GPM6A: variants seen among roughly 807,000 people sequenced by gnomAD.
GPM6A encodes the protein glycoprotein M6A.
In GPM6A, 7 loss-of-function variants were observed where a neutral mutation model predicts 32.1. The ratio of observed to expected loss-of-function variants is 0.22; its 90% CI spans 0.12 to 0.41. The LOEUF is 0.41. Ranked by LOEUF, GPM6A falls within the 10% of genes least tolerant of loss-of-function variation. The probability of loss-of-function intolerance (pLI) is 1.00; values close to 1 mark genes in which losing one functional copy is unlikely to be tolerated. For synonymous variants in GPM6A, 130 were observed against 123.4 expected, an observed-to-expected ratio of 1.05 and a Z score of -0.35; for missense variants, 235 against 347.2, an observed-to-expected ratio of 0.68 and a Z score of 2.57.
At chr4:175,986,352 T>C (rs113744219) in intron 1 of GPM6A, among the ~76,000 whole-genome samples, 34 of 150,998 alleles carry the variant, frequency 2.3e-4, no homozygotes, top group African/African-American at 7.3e-4. Flanking sequence ...CTGGGCAACA[T>C]AGTGAGACCC....
At chr4:175,711,007 T>C (rs1311141483) in intron 1 of GPM6A, among the ~76,000 whole-genome samples, 1 of 152,176 alleles carries the variant, frequency 6.6e-6, no homozygotes, top group Non-Finnish European at 1.5e-5. Context: ...TCTGCAGTGC[T>C]TTCTTGCTTA....
chr4:175,876,600 T>G (rs193109045), intron 1 of GPM6A, among the ~76,000 whole-genome samples: 1 of 152,176 alleles, frequency 6.6e-6, no homozygotes, highest in Admixed American at 6.5e-5. Flanking sequence ...ATGCGCAATT[T>G]AAGACATTTG....
chr4:175,828,113 T>G (rs968262286), intron 1 of GPM6A, among the ~76,000 whole-genome samples: 2 of 152,150 alleles, frequency 1.3e-5, no homozygotes, highest in Non-Finnish European at 2.9e-5. Flanking sequence ...TTCTCAGAGG[T>G]CAGTATATGC....
upstream of GPM6A, chr4:175,812,338 T>TTTTTTG: frequency 1.1e-5 from 15 of 1,328,556 alleles, no homozygotes; most frequent in African/African-American, 1.6e-5. Context: ...TTTTTTTTTT[T>TTTTTTG]TTCCTGGGAA....
At chr4:175,903,812 T>C (rs1031397177) in intron 1 of GPM6A, among the ~76,000 whole-genome samples, 1 of 152,050 alleles carries the variant, frequency 6.6e-6, no homozygotes, top group African/African-American at 2.4e-5. Context: ...ACAAGTCCAG[T>C]GGAGGGTCCT....
intron 1 of GPM6A, among the ~76,000 whole-genome samples, chr4:175,870,313 G>A (rs1312287426): frequency 1.3e-5 from 2 of 151,664 alleles, no homozygotes; most frequent in Non-Finnish European, 2.9e-5. Flanking sequence ...AAACAACAAT[G>A]CATTATTAAA....
Position 175,702,655 on chromosome 4 carries a change from C to T in GPM6A, c.38-888G>A, listed in dbSNP as rs1275938368. 3.3e-5 allele frequency among the ~76,000 whole-genome samples: 5 copies of T among 152,264 alleles called. No homozygotes were observed. In the South Asian group the frequency reaches 6.2e-4, roughly 19 times the overall value. On this transcript the variant is annotated intron_variant, in intron 1 of 6. Coordinates refer to ENST00000393658, the MANE Select transcript of GPM6A (RefSeq NM_201591.3). ...TTAGCCTCCCAAGTAGCTAGAGCTA[C>T]AGGCACACACCTCCGTGCCCCATTA...
chr4:175,933,251 A>G (rs1003628567), intron 1 of GPM6A, among the ~76,000 whole-genome samples: 8 of 152,184 alleles, frequency 5.3e-5, no homozygotes, highest in African/African-American at 1.7e-4. Context: ...AAGACACTCA[A>G]TATCTCCAAT....
rs565264168 is a variant in GPM6A at position 175,881,321 on chromosome 4, G to T, written c.-22-69072C>A. On this transcript the variant is annotated intron_variant, in intron 1 of 7. Transcript: ENST00000280187. ...ATCATCTCACACCAGTTAGAATGGC[G>T]ATCATTAAAAAGTCAGGAAACAACA... is the stretch of plus-strand genomic sequence containing the variant. Among the ~76,000 whole-genome samples the T allele has an allele frequency of 5.9e-5, 9 of 152,244 alleles. No individual in the cohort carries two copies. In the South Asian group the frequency reaches 1.7e-3, roughly 28 times the overall value.
chr4:175,826,493 C>T (rs1046550567), intron 1 of GPM6A, among the ~76,000 whole-genome samples: 7 of 151,958 alleles, frequency 4.6e-5, no homozygotes, highest in African/African-American at 1.2e-4. Context: ...ATAGTAGTTT[C>T]GACATTAGGT....
At chr4:175,850,805 G>A (rs987878650) in intron 1 of GPM6A, among the ~76,000 whole-genome samples, 10 of 149,956 alleles carry the variant, frequency 6.7e-5, no homozygotes, top group African/African-American at 2.4e-4. Context: ...ATATAAAATT[G>A]TATGTATTTA....
chr4:175,960,933 T>G (rs1477926003), intron 1 of GPM6A, among the ~76,000 whole-genome samples: 1 of 152,226 alleles, frequency 6.6e-6, no homozygotes, highest in Non-Finnish European at 1.5e-5. Flanking sequence ...CATAGCTACT[T>G]TTCCATTATG....
chr4:175,647,035 C>T (rs1257581012), intron 4 of GPM6A, among the ~76,000 whole-genome samples: 3 of 152,162 alleles, frequency 2.0e-5, no homozygotes, highest in Non-Finnish European at 4.4e-5. Context: ...AGATCGAATC[C>T]CTGCTTTCAG....
intron 1 of GPM6A, among the ~76,000 whole-genome samples, chr4:175,932,129 GA>G (rs1210838524): frequency 6.6e-6 from 1 of 150,688 alleles, no homozygotes. Flanking sequence ...AAAAAGGAAA[GA>G]AAAAAGTGCT....
At chr4:175,753,767 C>T (rs1358931551) in intron 1 of GPM6A, among the ~76,000 whole-genome samples, 1 of 152,066 alleles carries the variant, frequency 6.6e-6, no homozygotes, top group Admixed American at 6.6e-5. Flanking sequence ...TCTAGAAATC[C>T]TATTTCCATT....
intron 1 of GPM6A, among the ~76,000 whole-genome samples, chr4:175,882,004 A>T (rs1737295190): frequency 6.6e-6 from 1 of 152,054 alleles, no homozygotes; most frequent in Non-Finnish European, 1.5e-5. Flanking sequence ...AATATAATAA[A>T]TAAAAATAAA....
At chr4:175,807,017 A>C (rs1734723350) in intron 1 of GPM6A, 1 of 152,216 alleles carries the variant, frequency 6.6e-6, no homozygotes, top group African/African-American at 2.4e-5. Context: ...TAATTCTTAC[A>C]CTTAAATGAC....
intron 1 of GPM6A, among the ~76,000 whole-genome samples, chr4:175,766,653 CTTT>C (rs763676067): frequency 3.8e-5 from 5 of 132,688 alleles, no homozygotes; most frequent in African/African-American, 5.7e-5. Context: ...TCCACTTACT[CTTT>C]TTTTTTTTTT....
At chr4:175,832,524 GT>G (rs34120907) in intron 1 of GPM6A, among the ~76,000 whole-genome samples, 144,829 of 152,244 alleles carry the variant, frequency 0.95, 69,330 homozygotes, top group East Asian at 1. Flanking sequence ...TGAAGTAAAC[GT>G]TATCTACCCA....
Sources: allele counts gnomAD v4.1 joint callset (sites outside exome capture counted in the v4.1 genomes callset), GRCh38; gene constraint gnomAD v4.1.1; transcripts MANE v1.5; gene names NCBI Gene and HGNC (gene_info 2026-07-23, HGNC 2026-07-21).